The following BLM variants were observed in gnomAD, a reference collection of about 807,000 sequenced individuals.
BLM encodes the protein BLM RecQ like helicase.
A neutral mutation model predicts 135.3 loss-of-function variants in BLM; 95 were observed. The ratio of observed to expected loss-of-function variants is 0.70; its 90% CI spans 0.59 to 0.83. BLM has a LOEUF of 0.83. Among genes scored for constraint, BLM ranks in the 40% least tolerant of loss-of-function variants. BLM has a pLI of 0.00. For synonymous variants in BLM, 520 were observed against 589.2 expected, an observed-to-expected ratio of 0.88 and a Z score of 1.70; for missense variants, 1,518 against 1,663.9, an observed-to-expected ratio of 0.91 and a Z score of 1.53.
intron 1 of BLM, among the ~76,000 whole-genome samples, chr15:90,734,316 C>G (rs1437896536): frequency 6.7e-6 from 1 of 149,092 alleles, no homozygotes; most frequent in East Asian, 2.0e-4. Flanking sequence ...GAGATGGAGT[C>G]TCACCCTGTC....
intron 5 of BLM, among the ~76,000 whole-genome samples, chr15:90,759,258 G>C (rs1895896170): frequency 6.6e-6 from 1 of 151,992 alleles, no homozygotes. Flanking sequence ...TTACATATGT[G>C]ACTTTCAAAA....
Position 90,769,181 on chromosome 15 carries a change from A to C in BLM, c.2356A>C (p.Arg786=). Reference sequence around the variant, plus strand: ...TTCTACTCTGGAGAATCTCTATGAGAGGAAGCTCTTGGCACGTTTTGTTAT... The same window carrying C: ...TTCTACTCTGGAGAATCTCTATGAGCGGAAGCTCTTGGCACGTTTTGTTAT... ...LISTLENLYE[R]KLLARFVIDE... The change falls in exon 11 of 22, where the codon AGG becomes CGG. Residue 786 remains arginine (R), a synonymous_variant. Transcript: ENST00000355112. The C allele has an allele frequency of 6.2e-7, 1 of 1,614,008 alleles. No individual in the cohort carries two copies. The highest frequency in any genetic ancestry group is 8.5e-7 in the Non-Finnish European group (1 of 1,179,848).
chr15:90,797,643 G>A (rs1302458886), intron 16 of BLM, among the ~76,000 whole-genome samples: 2 of 152,086 alleles, frequency 1.3e-5, no homozygotes, highest in African/African-American at 4.8e-5. Flanking sequence ...TTACACCTGT[G>A]AGTGGTCAGT....
rs190177490 is a variant in BLM at position 90,764,335 on chromosome 15, A to C, written c.2075-961A>C. Reference sequence around the variant, plus strand: ...AGTGTGTGTGTAAATATTCCAAATAAGGTTTATTTTATTTTTATTTCTTAT... The same window carrying C: ...AGTGTGTGTGTAAATATTCCAAATACGGTTTATTTTATTTTTATTTCTTAT... On this transcript the variant is annotated intron_variant, in intron 8 of 21. Coordinates refer to ENST00000355112, the MANE Select transcript of BLM (RefSeq NM_000057.4). Among the ~76,000 whole-genome samples, 757 of 150,474 alleles carry C rather than the reference A, an allele frequency of 5.0e-3. 4 individuals carry two copies. The highest frequency in any genetic ancestry group is 0.018 in the African/African-American group (729 of 41,216).
intron 5 of BLM, among the ~76,000 whole-genome samples, chr15:90,755,618 C>A (rs1596224437): frequency 6.6e-6 from 1 of 152,180 alleles, no homozygotes; most frequent in East Asian, 1.9e-4. Flanking sequence ...AAATATACAT[C>A]CTCTTGTAGA....
chr15:90,788,466 GTT>G (rs1210685761), intron 14 of BLM, among the ~76,000 whole-genome samples: 1 of 58,866 alleles, frequency 1.7e-5, no homozygotes, highest in Non-Finnish European at 3.5e-5. Context: ...AAATGCCAGT[GTT>G]TTGTTTTTTT....
chr15:90,794,220 A>G lies in BLM; in HGVS notation c.3073A>G (p.Ser1025Gly). 1 of 1,606,480 alleles carries G rather than the reference A, an allele frequency of 6.2e-7. No individual in the cohort carries two copies. The highest frequency in any genetic ancestry group is 8.5e-7 in the Non-Finnish European group (1 of 1,175,690). Residue 1025 changes from serine (S) to glycine (G), a missense_variant, in exon 16 of 22, where the codon AGC becomes GGC. Coordinates refer to ENST00000355112, the MANE Select transcript of BLM (RefSeq NM_000057.4). The part of the protein sequence containing the change: ...TRETHFNNLY[S>G]MVHYCENITE... Reference sequence around the variant, plus strand: ...AGAAACTCACTTCAATAATTTGTATAGCATGGTACATTACTGTGAAAATAT... The same window carrying G: ...AGAAACTCACTTCAATAATTTGTATGGCATGGTACATTACTGTGAAAATAT...
At chr15:90,811,183 C>G (rs755031973) in intron 20 of BLM, 22 bp from the exon 21 acceptor site, 1 of 1,611,704 alleles carries the variant, frequency 6.2e-7, no homozygotes, top group East Asian at 2.2e-5. Context: ...CACCTGTAAA[C>G]ATCTGCATTT....
At chr15:90,727,403 G>C (rs1018021019) in intron 1 of BLM, among the ~76,000 whole-genome samples, 2 of 152,108 alleles carry the variant, frequency 1.3e-5, no homozygotes, top group African/African-American at 4.8e-5. Flanking sequence ...ACTTGTACGT[G>C]AATGAGCTAA....
At chr15:90,749,254 G>T (rs1895596120) in intron 2 of BLM, 113 bp from the exon 3 acceptor site, 2 of 740,320 alleles carry the variant, frequency 2.7e-6, no homozygotes, top group South Asian at 3.7e-5. Flanking sequence ...TCTTTGCTCA[G>T]TTGGGATACA....
chr15:90,733,172 T>C (rs1895112987), intron 1 of BLM, among the ~76,000 whole-genome samples: 1 of 152,154 alleles, frequency 6.6e-6, no homozygotes, highest in African/African-American at 2.4e-5. Flanking sequence ...ATTACAAATA[T>C]ACAGAATAAG....
chr15:90,771,506 C>CA (rs922865039), intron 12 of BLM, among the ~76,000 whole-genome samples: 12 of 144,874 alleles, frequency 8.3e-5, no homozygotes, highest in South Asian at 2.2e-4. Context: ...AAACAAAAAA[C>CA]AAAAAAAAAG....
At chr15:90,808,789 C>T (rs2151198042) in intron 19 of BLM, 1 of 387,832 alleles carries the variant, frequency 2.6e-6, no homozygotes, top group East Asian at 5.8e-5. Flanking sequence ...AGAGGGCACA[C>T]CAGTCTCAGC....
intron 21 of BLM, among the ~76,000 whole-genome samples, chr15:90,812,456 G>C (rs538085633): frequency 4.6e-5 from 7 of 152,336 alleles, no homozygotes; most frequent in South Asian, 4.1e-4. Flanking sequence ...GATCTTGGCA[G>C]TTTCCTTCTT....
At position 90,761,055 on chromosome 15, in the gene BLM, T is replaced by TTGA. The variant is rs768095141; in HGVS notation, c.1695_1697dup (p.Asp566dup). ...ATTGATAATTTTGACATAGATGACT[T>TTGA]TGATGATGATGATGACTGGGAAGAC... On this transcript the variant is annotated inframe_insertion, in exon 7 of 22. Transcript: ENST00000355112. The TTGA allele has an allele frequency of 3.2e-6, 5 of 1,586,946 alleles. No homozygotes were observed. In the Admixed American group the frequency reaches 7.4e-5, roughly 23 times the overall value.
intron 1 of BLM, among the ~76,000 whole-genome samples, chr15:90,736,051 T>G (rs1292642556): frequency 6.6e-6 from 1 of 152,148 alleles, no homozygotes. Flanking sequence ...AAGTGTAAAT[T>G]TAAAGCTGCA....
At chr15:90,757,216 C>G (rs1196117294) in intron 5 of BLM, among the ~76,000 whole-genome samples, 7 of 151,814 alleles carry the variant, frequency 4.6e-5, no homozygotes, top group Non-Finnish European at 1.0e-4. Context: ...TTGGCAATCA[C>G]TTTCAAATTT....
chr15:90,755,100 C>T, intron 5 of BLM, 162 bp downstream of exon 5: 2 of 866,398 alleles, frequency 2.3e-6, no homozygotes, highest in Admixed American at 2.8e-5. Context: ...GGTTAGCCAG[C>T]ATTTGCCTGA....
At chr15:90,728,324 C>T (rs1324004748) in intron 1 of BLM, among the ~76,000 whole-genome samples, 2 of 152,158 alleles carry the variant, frequency 1.3e-5, no homozygotes, top group Non-Finnish European at 2.9e-5. Flanking sequence ...GCATGAGCCA[C>T]TGTGCCCAGC....
Sources: allele counts gnomAD v4.1 joint callset (sites outside exome capture counted in the v4.1 genomes callset), GRCh38; gene constraint gnomAD v4.1.1; transcripts MANE v1.5; gene names NCBI Gene and HGNC (gene_info 2026-07-23, HGNC 2026-07-21).